The following MAML2 variants were observed in gnomAD, a reference collection of about 807,000 sequenced individuals.
MAML2 encodes the protein mastermind like transcriptional coactivator 2, also known as mastermind-like protein 2.
In MAML2, 22 loss-of-function variants were observed where a neutral mutation model predicts 96.1. The observed-to-expected ratio is 0.23, with a 90% CI of 0.16 to 0.33. The LOEUF (loss-of-function observed/expected upper bound fraction) is 0.33, where lower values mean the gene tolerates loss of function less well. Among genes scored for constraint, MAML2 ranks in the 10% least tolerant of loss-of-function variants. MAML2 has a pLI of 1.00. For synonymous variants in MAML2, 561 were observed against 521.3 expected, an observed-to-expected ratio of 1.08 and a Z score of -1.04; for missense variants, 1,367 against 1,392.4, an observed-to-expected ratio of 0.98 and a Z score of 0.29.
chr11:96,002,592 G>A (rs112419361), intron 2 of MAML2, among the ~76,000 whole-genome samples: 1 of 151,880 alleles, frequency 6.6e-6, no homozygotes, highest in Non-Finnish European at 1.5e-5. Flanking sequence ...TGACAGGGAT[G>A]ATGAGGATGA....
chr11:96,107,841 G>T (rs1005892887), intron 1 of MAML2, among the ~76,000 whole-genome samples: 11 of 152,214 alleles, frequency 7.2e-5, no homozygotes, highest in African/African-American at 2.4e-4. Context: ...GTGCCTAGAG[G>T]TAGGGCACCC....
intron 2 of MAML2, among the ~76,000 whole-genome samples, chr11:96,031,277 T>C (rs1446087722): frequency 6.6e-6 from 1 of 152,206 alleles, no homozygotes; most frequent in Non-Finnish European, 1.5e-5. Flanking sequence ...AAAGGTACTT[T>C]TACACATTTA....
chr11:96,123,963 G>A (rs150400078), intron 1 of MAML2, among the ~76,000 whole-genome samples: 31 of 152,050 alleles, frequency 2.0e-4, no homozygotes, highest in African/African-American at 7.0e-4. Context: ...CTAGCTACTC[G>A]GGAGGCTGTA....
At chr11:96,306,691 T>A (rs1296895631) in intron 1 of MAML2, among the ~76,000 whole-genome samples, 2 of 152,144 alleles carry the variant, frequency 1.3e-5, no homozygotes, top group Non-Finnish European at 2.9e-5. Flanking sequence ...ACTTACACTA[T>A]TTTTTTCACA....
At chr11:96,334,596 C>T (rs1254725808) in intron 1 of MAML2, among the ~76,000 whole-genome samples, 1 of 151,944 alleles carries the variant, frequency 6.6e-6, no homozygotes, top group Non-Finnish European at 1.5e-5. Flanking sequence ...ACCCCACTCA[C>T]CTCCCGTCTA....
intron 3 of MAML2, 40 bp downstream of exon 3, chr11:95,991,480 T>A: frequency 6.3e-7 from 1 of 1,580,174 alleles, no homozygotes; most frequent in Non-Finnish European, 8.7e-7. Flanking sequence ...CTCTGTTGGG[T>A]CAACAGGTTT....
chr11:96,176,252 A>T (rs1861387140), intron 1 of MAML2, among the ~76,000 whole-genome samples: 1 of 152,226 alleles, frequency 6.6e-6, no homozygotes, highest in Admixed American at 6.5e-5. Context: ...CTCCATATAA[A>T]AACTTAATAT....
intron 1 of MAML2, among the ~76,000 whole-genome samples, chr11:96,176,793 A>G (rs61901889): frequency 0.06 from 9,093 of 152,188 alleles, 376 homozygotes; most frequent in South Asian, 0.1. Flanking sequence ...AGGCACTTTA[A>G]TCTTTCCAGG....
At chr11:96,313,460 T>G (rs115808719) in intron 1 of MAML2, among the ~76,000 whole-genome samples, 2 of 152,140 alleles carry the variant, frequency 1.3e-5, no homozygotes, top group African/African-American at 4.8e-5. Flanking sequence ...TTTCCCACCA[T>G]GCCAAATCCC....
At position 96,235,464 on chromosome 11, in the gene MAML2, C is replaced by A. The variant is rs547160850; in HGVS notation, c.513+105919G>T. ...CCCCTGATCTAGAGGAATGATTTCC[C>A]TCTTCTATTATTCTTTTGAACTGAA... On this transcript the variant is annotated intron_variant, in intron 1 of 4. Transcript: ENST00000524717. Among the ~76,000 whole-genome samples, 75 of 152,274 alleles carry A rather than the reference C, an allele frequency of 4.9e-4. 1 individual carries two copies. The highest frequency in any genetic ancestry group is 1.7e-3 in the African/African-American group (72 of 41,562).
At chr11:96,201,626 A>C (rs998518036) in intron 1 of MAML2, among the ~76,000 whole-genome samples, 11 of 152,250 alleles carry the variant, frequency 7.2e-5, no homozygotes, top group African/African-American at 1.9e-4. Flanking sequence ...GGATTTTAAA[A>C]GTCTCAAATG....
intron 2 of MAML2, among the ~76,000 whole-genome samples, chr11:96,049,775 C>T (rs1057174778): frequency 2.0e-5 from 3 of 152,130 alleles, no homozygotes; most frequent in Non-Finnish European, 4.4e-5. Context: ...AAATGGAGTA[C>T]TTAATCCTTT....
intron 1 of MAML2, among the ~76,000 whole-genome samples, chr11:96,240,026 C>A (rs1452541282): frequency 6.6e-6 from 1 of 152,142 alleles, no homozygotes; most frequent in Admixed American, 6.5e-5. Flanking sequence ...CAGTTACAGT[C>A]TATGAGAATA....
chr11:96,006,894 C>CACACACAA (rs1477402972), intron 2 of MAML2, among the ~76,000 whole-genome samples: 14 of 151,604 alleles, frequency 9.2e-5, no homozygotes, highest in South Asian at 6.3e-4. Flanking sequence ...CACACACACA[C>CACACACAA]ACACACACAC....
intron 3 of MAML2, among the ~76,000 whole-genome samples, chr11:95,988,593 A>T (rs1209193464): frequency 6.8e-6 from 1 of 148,036 alleles, no homozygotes; most frequent in African/African-American, 2.5e-5. Flanking sequence ...TTTATATTAC[A>T]TATATCATTT....
chr11:96,081,021 C>T lies in MAML2; in HGVS notation c.2139+10871G>A, dbSNP rs554876734. On this transcript the variant is annotated intron_variant, in intron 2 of 4. Coordinates refer to ENST00000524717, the MANE Select transcript of MAML2 (RefSeq NM_032427.4). The stretch of plus-strand genomic sequence containing the variant: ...ATGCATTCCTATAAGGTCTGTATGC[C>T]CTCTTCATGGGTTAAGCTACAACAC... Among the ~76,000 whole-genome samples, 8 of 151,962 alleles carry T rather than the reference C, an allele frequency of 5.3e-5. 1 individual carries two copies. The South Asian group carries it at 6.3e-4, about 12-fold the overall frequency.
At chr11:96,078,415 C>A (rs994354226) in intron 2 of MAML2, among the ~76,000 whole-genome samples, 2 of 152,206 alleles carry the variant, frequency 1.3e-5, no homozygotes, top group Non-Finnish European at 2.9e-5. Flanking sequence ...GGACTTAATG[C>A]ACTTTCTTTA....
chr11:96,210,025 C>A (rs947222054), intron 1 of MAML2, among the ~76,000 whole-genome samples: 1 of 152,180 alleles, frequency 6.6e-6, no homozygotes, highest in Non-Finnish European at 1.5e-5. Flanking sequence ...CAATACCTAA[C>A]TTCAAAGATT....
At chr11:95,995,873 C>A (rs1173874493) in intron 2 of MAML2, among the ~76,000 whole-genome samples, 1 of 152,140 alleles carries the variant, frequency 6.6e-6, no homozygotes, top group African/African-American at 2.4e-5. Context: ...GGAAGATAAG[C>A]TACACATACC....
Sources: gnomAD v4.1 joint callset for allele counts (sites outside exome capture counted in the v4.1 genomes callset) on GRCh38, gnomAD v4.1.1 for gene constraint, MANE v1.5 for transcripts, NCBI Gene and HGNC (gene_info 2026-07-23, HGNC 2026-07-21) for gene names.